The following GALNT13 variants were observed in gnomAD, a reference collection of about 807,000 sequenced individuals.
GALNT13 encodes the protein UDP-GalNAc:polypeptide N-acetylgalactosaminyltransferase 13.
GALNT13 carries 28 observed loss-of-function variants against 64.2 expected under a neutral mutation model. The observed-to-expected ratio is 0.44, with a 90% CI of 0.32 to 0.60. GALNT13 has a LOEUF of 0.60. Ranked by LOEUF, GALNT13 falls within the 20% of genes least tolerant of loss-of-function variation. GALNT13 has a pLI of 0.05. For synonymous variants in GALNT13, 214 were observed against 224.6 expected, an observed-to-expected ratio of 0.95 and a Z score of 0.42; for missense variants, 577 against 669.8, an observed-to-expected ratio of 0.86 and a Z score of 1.53.
chr2:154,357,642 C>T (rs879257319), intron 9 of GALNT13, among the ~76,000 whole-genome samples: 1 of 152,138 alleles, frequency 6.6e-6, no homozygotes, highest in Middle Eastern at 3.4e-3. Context: ...TTCTGATCCT[C>T]CATGTTGTCA....
chr2:153,980,007 T>A (rs1291091623), intron 3 of GALNT13, among the ~76,000 whole-genome samples: 1 of 152,218 alleles, frequency 6.6e-6, no homozygotes, highest in Non-Finnish European at 1.5e-5. Context: ...CAGCTAATAT[T>A]AAACTTAAAA....
the GALNT13 span, among the ~76,000 whole-genome samples, chr2:153,494,841 C>A: frequency 2.6e-5 from 4 of 151,998 alleles, no homozygotes; most frequent in Non-Finnish European, 4.4e-5. Flanking sequence ...AGAAAACATA[C>A]ATATCCAGAA....
At chr2:153,510,470 G>A in the GALNT13 span, among the ~76,000 whole-genome samples, 1 of 152,108 alleles carries the variant, frequency 6.6e-6, no homozygotes, top group African/African-American at 2.4e-5. Flanking sequence ...TGAGAAGACT[G>A]GAAACAAACA....
intron 9 of GALNT13, among the ~76,000 whole-genome samples, chr2:154,315,417 A>G (rs546055749): frequency 6.6e-6 from 1 of 152,320 alleles, no homozygotes; most frequent in African/African-American, 2.4e-5. Context: ...GGGCTTTAAA[A>G]ACAGAAGGGG....
chr2:153,780,801 A>G, the GALNT13 span, among the ~76,000 whole-genome samples: 2 of 152,120 alleles, frequency 1.3e-5, no homozygotes, highest in African/African-American at 2.4e-5. Context: ...CGTTGTGGCA[A>G]TAGATTGAGG....
rs534677855 is a variant in GALNT13 at position 154,259,254 on chromosome 2, C to T, written c.975+116C>T. The T allele has an allele frequency of 1.0e-5, 7 of 682,044 alleles. No homozygotes were observed. The East Asian group carries it at 1.7e-4, about 16-fold the overall frequency. The allele number at this position is 682,044 out of a possible 1,614,324, so 42.2% of individuals were successfully genotyped here. On this transcript the variant is annotated intron_variant, in intron 8 of 12. Transcript: ENST00000392825. ...TTGCTGAGTGATGCAAATTACTGAT[C>T]AATTGGTTATCTTAATTCACATTTT... is the stretch of plus-strand genomic sequence containing the variant.
At chr2:154,016,041 A>G (rs1352538354) in intron 3 of GALNT13, among the ~76,000 whole-genome samples, 2 of 152,188 alleles carry the variant, frequency 1.3e-5, no homozygotes, top group African/African-American at 2.4e-5. Flanking sequence ...CTTTGTCTCA[A>G]TATATTAATG....
the GALNT13 span, among the ~76,000 whole-genome samples, chr2:153,249,278 T>A: frequency 6.6e-6 from 1 of 152,146 alleles, no homozygotes; most frequent in Non-Finnish European, 1.5e-5. Flanking sequence ...CATTTACAAT[T>A]AGTATAAAGA....
chr2:153,950,735 G>A (rs1692114479), intron 3 of GALNT13, among the ~76,000 whole-genome samples: 1 of 152,048 alleles, frequency 6.6e-6, no homozygotes, highest in South Asian at 2.1e-4. Context: ...TAGTTACTAT[G>A]AATGCACTTC....
chr2:153,237,477 A>T, the GALNT13 span, among the ~76,000 whole-genome samples: 1 of 151,876 alleles, frequency 6.6e-6, no homozygotes, highest in Admixed American at 6.6e-5. Flanking sequence ...AGCCATCCCC[A>T]CTACCCTTCT....
At chr2:153,250,518 G>C in the GALNT13 span, among the ~76,000 whole-genome samples, 2 of 151,968 alleles carry the variant, frequency 1.3e-5, no homozygotes, top group African/African-American at 4.8e-5. Context: ...TGATCCATCA[G>C]TTCTGTTACT....
the GALNT13 span, among the ~76,000 whole-genome samples, chr2:153,546,660 G>GTTGT: frequency 6.6e-6 from 1 of 152,170 alleles, no homozygotes; most frequent in East Asian, 1.9e-4. Flanking sequence ...CAATAAGACT[G>GTTGT]TGTGCACATC....
chr2:154,006,028 A>T (rs996929676), intron 3 of GALNT13, among the ~76,000 whole-genome samples: 1 of 152,200 alleles, frequency 6.6e-6, no homozygotes, highest in African/African-American at 2.4e-5. Flanking sequence ...ACATTCATTA[A>T]GTAGGCACAC....
At chr2:153,300,463 A>C in the GALNT13 span, among the ~76,000 whole-genome samples, 1 of 152,228 alleles carries the variant, frequency 6.6e-6, no homozygotes, top group African/African-American at 2.4e-5. Context: ...TCTGGAGTTT[A>C]ATGGAAATGG....
At chr2:153,760,344 C>T in the GALNT13 span, among the ~76,000 whole-genome samples, 5 of 150,002 alleles carry the variant, frequency 3.3e-5, no homozygotes, top group African/African-American at 4.9e-5. Context: ...CTTCTTTTTT[C>T]TTTTATTTGA....
chr2:153,277,908 C>CTTTTCTTTTTTTTTTTTTTTTTTTT, the GALNT13 span, among the ~76,000 whole-genome samples: 2 of 69,590 alleles, frequency 2.9e-5, no homozygotes, highest in Non-Finnish European at 6.6e-5. Flanking sequence ...TTTCTTTTTT[C>CTTTTCTTTTTTTTTTTTTTTTTTTT]TTTTGTTTTC....
chr2:153,270,838 G>A, the GALNT13 span, among the ~76,000 whole-genome samples: 2 of 152,106 alleles, frequency 1.3e-5, no homozygotes, highest in African/African-American at 2.4e-5. Context: ...GTGACAGGGT[G>A]AGACCCTGTC....
chr2:153,254,097 C>T, the GALNT13 span, among the ~76,000 whole-genome samples: 1 of 152,098 alleles, frequency 6.6e-6, no homozygotes, highest in Non-Finnish European at 1.5e-5. Flanking sequence ...CCATCTGGTC[C>T]TGGACTCTTT....
At chr2:153,478,591 C>A in the GALNT13 span, 3 of 1,516,326 alleles carry the variant, frequency 2.0e-6, no homozygotes, top group Middle Eastern at 2.0e-4. Flanking sequence ...GCGCCGCGAG[C>A]GGCGCGGGTC....
Sources: allele counts gnomAD v4.1 joint callset (sites outside exome capture counted in the v4.1 genomes callset), GRCh38; gene constraint gnomAD v4.1.1; transcripts MANE v1.5; gene names NCBI Gene and HGNC (gene_info 2026-07-23, HGNC 2026-07-21).